PRDM16: variants seen among roughly 807,000 people sequenced by gnomAD.
The protein encoded by PRDM16 is histone-lysine N-methyltransferase PRDM16.
A neutral mutation model predicts 110.6 loss-of-function variants in PRDM16; 23 were observed. That is an observed-to-expected ratio of 0.21 (90% confidence interval 0.15 to 0.29). The LOEUF is 0.29. PRDM16 is among the 10% of genes least tolerant of loss of function. The pLI is 1.00. For missense variants in PRDM16, 1,615 were observed against 1,794.3 expected, an observed-to-expected ratio of 0.90 and a Z score of 1.81; for synonymous variants, 799 against 781.8, an observed-to-expected ratio of 1.02 and a Z score of -0.37.
intron 2 of PRDM16, among the ~76,000 whole-genome samples, chr1:3,242,010 C>G (rs550417597): frequency 6.6e-6 from 1 of 152,344 alleles, no homozygotes; most frequent in African/African-American, 2.4e-5. Flanking sequence ...GGGGGTGTCA[C>G]CTGCATTGGG....
At chr1:3,388,586 C>T (rs1420475798) in intron 4 of PRDM16, among the ~76,000 whole-genome samples, 1 of 152,142 alleles carries the variant, frequency 6.6e-6, no homozygotes, top group Non-Finnish European at 1.5e-5. Context: ...CCACAGCCTC[C>T]CAGAAGAGAT....
intron 3 of PRDM16, chr1:3,308,804 G>T (rs77348459): frequency 0.059 from 9,004 of 152,304 alleles, 354 homozygotes; most frequent in Middle Eastern, 0.099. Flanking sequence ...TGTGGGCTGC[G>T]TGACTTTGGC....
chr1:3,295,523 G>A (rs971115513), intron 3 of PRDM16, among the ~76,000 whole-genome samples: 1 of 152,148 alleles, frequency 6.6e-6, no homozygotes, highest in African/African-American at 2.4e-5. Flanking sequence ...ATGCAGGTGT[G>A]CAGGTAGCCA....
rs578208719 is a variant in PRDM16 at position 3,244,913 on chromosome 1, C to T, written c.438+776C>T. Among the ~76,000 whole-genome samples, 50 of 152,322 alleles carry T rather than the reference C, an allele frequency of 3.3e-4. 1 individual carries two copies. Among genetic ancestry groups the T allele is most frequent in the African/African-American group, 1.1e-3 (45 of 41,572 alleles). The stretch of plus-strand genomic sequence containing the variant: ...CACACAGACGTCCACAGACACAGCA[C>T]GCTCACACGTGGTGGCTGATCTCCT... On this transcript the variant is annotated intron_variant, in intron 3 of 16. Transcript: ENST00000270722. The surrounding 1 kb of genome is among the most constrained non-coding windows in gnomAD (Gnocchi z 4.1).
At chr1:3,310,377 G>A (rs929631612) in intron 3 of PRDM16, among the ~76,000 whole-genome samples, 11 of 152,062 alleles carry the variant, frequency 7.2e-5, no homozygotes, top group African/African-American at 2.2e-4. Context: ...CCCCTGAAGC[G>A]CCCTCCCTCT....
At chr1:3,393,055 C>T (rs1415706808) in intron 4 of PRDM16, among the ~76,000 whole-genome samples, 1 of 152,202 alleles carries the variant, frequency 6.6e-6, no homozygotes, top group Non-Finnish European at 1.5e-5. Context: ...GTCTGTTTGG[C>T]ATCATTATTT....
intron 1 of PRDM16, among the ~76,000 whole-genome samples, chr1:3,181,343 C>CACACGCGGTCTTACGCAAGCAGTCTT (rs1557508788): frequency 1.5e-5 from 2 of 134,398 alleles, no homozygotes; most frequent in African/African-American, 5.6e-5. Flanking sequence ...AGCAGTCTTA[C>CACACGCGGTCTTACGCAAGCAGTCTT]ACACGGTCTT....
chr1:3,198,983 G>C (rs1161271351), intron 2 of PRDM16, among the ~76,000 whole-genome samples: 3 of 152,184 alleles, frequency 2.0e-5, no homozygotes, highest in African/African-American at 7.2e-5. Flanking sequence ...GTCTGTCGCG[G>C]CAGCAGCTGA....
rs866095515 is a variant in PRDM16 at position 3,265,147 on chromosome 1, C to T, written c.438+21010C>T. 3.3e-5 allele frequency among the ~76,000 whole-genome samples: 5 copies of T among 152,058 alleles called. No homozygotes were observed. The highest frequency in any genetic ancestry group is 5.9e-5 in the Non-Finnish European group (4 of 68,008). ...CTGGTGCCACCTATTGAGGCCGAGG[C>T]GAGCGGGCTGTTAGGACTGGGACTG... On this transcript the variant is annotated intron_variant, in intron 3 of 16. Coordinates refer to ENST00000270722, the MANE Select transcript of PRDM16 (RefSeq NM_022114.4). This position sits in a 1 kb window ranked among gnomAD's most constrained non-coding sequence, Gnocchi z 4.5.
intron 2 of PRDM16, 137 bp downstream of exon 2, chr1:3,186,611 G>C: frequency 1.6e-6 from 1 of 609,176 alleles, no homozygotes; most frequent in Non-Finnish European, 2.8e-6. Context: ...ACATTTCCCA[G>C]CCTATTTTAT....
chr1:3,383,255 C>T (rs1179161276), intron 3 of PRDM16, among the ~76,000 whole-genome samples: 5 of 152,198 alleles, frequency 3.3e-5, no homozygotes, highest in African/African-American at 4.8e-5. Flanking sequence ...GGCCCAGGGG[C>T]AGGCACGGCT....
chr1:3,170,835 C>T (rs1346978653), intron 1 of PRDM16, among the ~76,000 whole-genome samples: 1 of 152,240 alleles, frequency 6.6e-6, no homozygotes, highest in African/African-American at 2.4e-5. Context: ...GTTTTCATCC[C>T]AGCAGCCAGG....
chr1:3,387,233 A>G (rs1643215328), intron 4 of PRDM16, among the ~76,000 whole-genome samples: 1 of 152,190 alleles, frequency 6.6e-6, no homozygotes. Flanking sequence ...TCCTAGAGTC[A>G]GAAACATACT....
At chr1:3,198,594 G>A (rs948971667) in intron 2 of PRDM16, among the ~76,000 whole-genome samples, 1 of 152,294 alleles carries the variant, frequency 6.6e-6, no homozygotes, top group East Asian at 1.9e-4. Flanking sequence ...GGCTTGGTGA[G>A]TGGGCCCCAC....
intron 1 of PRDM16, among the ~76,000 whole-genome samples, chr1:3,115,327 G>T (rs868453524): frequency 1.2e-4 from 19 of 152,204 alleles, no homozygotes; most frequent in Non-Finnish European, 2.4e-4. Flanking sequence ...CCCCATCAGC[G>T]CCCGTCAGAA....
chr1:3,152,235 C>G (rs540731090), intron 1 of PRDM16, among the ~76,000 whole-genome samples: 1 of 152,314 alleles, frequency 6.6e-6, no homozygotes, highest in Admixed American at 6.5e-5. Context: ...TGGGGCAATG[C>G]CAAGTTAGGC....
At chr1:3,360,853 G>A (rs373473137) in intron 3 of PRDM16, among the ~76,000 whole-genome samples, 10 of 152,366 alleles carry the variant, frequency 6.6e-5, no homozygotes, top group African/African-American at 2.4e-4. Flanking sequence ...AGGCCCTGCT[G>A]GGACCAGGCC....
At chr1:3,180,684 G>A (rs899865189) in intron 1 of PRDM16, among the ~76,000 whole-genome samples, 6 of 134,944 alleles carry the variant, frequency 4.4e-5, no homozygotes, top group Admixed American at 3.5e-4. Context: ...AAGGGGGCCC[G>A]AACTTCAGCC....
intron 3 of PRDM16, among the ~76,000 whole-genome samples, chr1:3,305,449 G>A: frequency 6.6e-6 from 1 of 152,178 alleles, no homozygotes. Context: ...CCCGATCCAT[G>A]GTTACTGCCC....
Sources: gnomAD v4.1 joint callset for allele counts (sites outside exome capture counted in the v4.1 genomes callset) on GRCh38, gnomAD v4.1.1 for gene constraint, Gnocchi (gnomAD v3.1) non-coding constraint, MANE v1.5 for transcripts, NCBI Gene and HGNC (gene_info 2026-07-23, HGNC 2026-07-21) for gene names.